The following PTPRD variants were observed in gnomAD, a reference collection of about 807,000 sequenced individuals.
The protein encoded by PTPRD is receptor-type tyrosine-protein phosphatase delta.
PTPRD carries 34 observed loss-of-function variants against 214.5 expected under a neutral mutation model. The observed-to-expected ratio is 0.16, with a 90% CI of 0.12 to 0.21. The LOEUF is 0.21. Ranked by LOEUF, PTPRD falls within the 10% of genes least tolerant of loss-of-function variation. PTPRD has a pLI of 1.00. For missense variants in PTPRD, 2,545 were observed against 2,398.7 expected, an observed-to-expected ratio of 1.06 and a Z score of -1.27; for synonymous variants, 1,128 against 845.7, an observed-to-expected ratio of 1.33 and a Z score of -5.79.
At chr9:9,282,083 T>C (rs1246354288) in intron 9 of PTPRD, among the ~76,000 whole-genome samples, 1 of 148,774 alleles carries the variant, frequency 6.7e-6, no homozygotes, top group African/African-American at 2.4e-5. Flanking sequence ...AAAGTATCAA[T>C]AGTTACCCAG....
At chr9:9,259,827 T>C (rs1278677273) in intron 9 of PTPRD, among the ~76,000 whole-genome samples, 1 of 151,892 alleles carries the variant, frequency 6.6e-6, no homozygotes, top group Admixed American at 6.6e-5. Flanking sequence ...GATAGAACTC[T>C]GACCTAAGGT....
chr9:8,360,009 G>T (rs1327906269), intron 39 of PTPRD, among the ~76,000 whole-genome samples: 1 of 152,200 alleles, frequency 6.6e-6, no homozygotes, highest in Admixed American at 6.5e-5. Context: ...TCTCCAGGTT[G>T]TCTGTGGCTC....
At chr9:8,847,812 G>T (rs1489141480) in intron 11 of PTPRD, among the ~76,000 whole-genome samples, 1 of 152,094 alleles carries the variant, frequency 6.6e-6, no homozygotes. Flanking sequence ...CGGGTGAAAT[G>T]AAAACAAGAG....
intron 11 of PTPRD, among the ~76,000 whole-genome samples, chr9:8,876,377 G>A (rs1398930459): frequency 6.6e-6 from 1 of 152,116 alleles, no homozygotes; most frequent in Non-Finnish European, 1.5e-5. Context: ...CTAAATGCCA[G>A]TTTACCTTTC....
intron 10 of PTPRD, among the ~76,000 whole-genome samples, chr9:9,073,375 A>G (rs2099746585): frequency 6.6e-6 from 1 of 152,184 alleles, no homozygotes; most frequent in Non-Finnish European, 1.5e-5. Context: ...AAAAAATCAA[A>G]TATTTGGTTA....
intron 9 of PTPRD, among the ~76,000 whole-genome samples, chr9:9,330,712 T>C (rs927239280): frequency 1.3e-5 from 2 of 151,984 alleles, no homozygotes; most frequent in South Asian, 2.1e-4. Flanking sequence ...AACAAACTCA[T>C]ATATAATATT....
chr9:9,280,008 G>A (rs1211490211), intron 9 of PTPRD, among the ~76,000 whole-genome samples: 3 of 151,210 alleles, frequency 2.0e-5, no homozygotes, highest in African/African-American at 7.3e-5. Flanking sequence ...AGGTTATTGG[G>A]TTGTTTCCAA....
intron 11 of PTPRD, among the ~76,000 whole-genome samples, chr9:8,741,980 TAGACA>T (rs1173128423): frequency 6.6e-6 from 1 of 152,194 alleles, no homozygotes; most frequent in Non-Finnish European, 1.5e-5. Context: ...TTAAGAGGTC[TAGACA>T]AGACATTTTC....
chr9:9,760,384 G>A (rs879416810), intron 6 of PTPRD, among the ~76,000 whole-genome samples: 16 of 151,960 alleles, frequency 1.1e-4, no homozygotes, highest in East Asian at 1.9e-4. Flanking sequence ...ATTTTTGAGG[G>A]TAAAACATTA....
chr9:9,448,162 A>G (rs1466587810), intron 8 of PTPRD, among the ~76,000 whole-genome samples: 2 of 152,068 alleles, frequency 1.3e-5, no homozygotes, highest in Admixed American at 6.6e-5. Flanking sequence ...GGAGGCAGTA[A>G]GAAGTTGTAA....
chr9:8,319,668 A>G (rs992194697), intron 45 of PTPRD, among the ~76,000 whole-genome samples, 163 bp downstream of exon 45: 1 of 151,592 alleles, frequency 6.6e-6, no homozygotes, highest in African/African-American at 2.4e-5. Context: ...TAATAATCTC[A>G]TCCCATTTAA....
intron 37 of PTPRD, among the ~76,000 whole-genome samples, chr9:8,377,577 C>T (rs74507113): frequency 0.024 from 3,600 of 151,998 alleles, 152 homozygotes; most frequent in African/African-American, 0.082. Context: ...GGCCATAGAT[C>T]TGACTATATT....
At chr9:9,654,958 T>A (rs1044391991) in intron 7 of PTPRD, among the ~76,000 whole-genome samples, 2 of 151,980 alleles carry the variant, frequency 1.3e-5, no homozygotes, top group African/African-American at 2.4e-5. Flanking sequence ...TACTGAAGAA[T>A]AACACATTTA....
chr9:9,492,900 TGATA>T (rs1489482084), intron 8 of PTPRD, among the ~76,000 whole-genome samples: 5 of 149,128 alleles, frequency 3.4e-5, no homozygotes, highest in Non-Finnish European at 5.9e-5. Context: ...CTGTGATTGT[TGATA>T]TTACTATTGT....
chr9:9,841,175 G>A (rs527727360), intron 5 of PTPRD, among the ~76,000 whole-genome samples: 29 of 152,038 alleles, frequency 1.9e-4, no homozygotes, highest in Non-Finnish European at 3.4e-4. Flanking sequence ...ATTTTGCATC[G>A]TCGGAATCAT....
At chr9:10,568,781 T>C (rs531347817) in intron 2 of PTPRD, among the ~76,000 whole-genome samples, 1 of 152,214 alleles carries the variant, frequency 6.6e-6, no homozygotes, top group African/African-American at 2.4e-5. Context: ...TCAAGACGGA[T>C]TAAAGACTTA....
intron 3 of PTPRD, among the ~76,000 whole-genome samples, chr9:10,322,316 C>A (rs899378131): frequency 6.6e-6 from 1 of 152,004 alleles, no homozygotes; most frequent in South Asian, 2.1e-4. Context: ...CACAAAACAA[C>A]AAATGCAAGC....
intron 4 of PTPRD, among the ~76,000 whole-genome samples, chr9:9,941,949 A>C (rs549677859): frequency 1.1e-4 from 16 of 152,320 alleles, no homozygotes; most frequent in African/African-American, 3.1e-4. Context: ...GATTTAAAAT[A>C]AAGAGTTGAA....
intron 3 of PTPRD, among the ~76,000 whole-genome samples, chr9:10,036,861 C>A (rs886168181): frequency 1.3e-4 from 19 of 141,608 alleles, no homozygotes; most frequent in African/African-American, 4.5e-4. Context: ...GGATTACAGG[C>A]CTGAGCCAAA....
Sources: allele counts gnomAD v4.1 joint callset (sites outside exome capture counted in the v4.1 genomes callset), GRCh38; gene constraint gnomAD v4.1.1; transcripts MANE v1.5; gene names NCBI Gene and HGNC (gene_info 2026-07-23, HGNC 2026-07-21).